The following NRXN3 variants were observed in gnomAD, a reference collection of about 807,000 sequenced individuals.
The protein encoded by NRXN3 is neurexin 3.
A neutral mutation model predicts 137.6 loss-of-function variants in NRXN3; 32 were observed. The observed-to-expected ratio is 0.23, with a 90% CI of 0.18 to 0.31. The LOEUF is 0.31. Among genes scored for constraint, NRXN3 ranks in the 10% least tolerant of loss-of-function variants. The pLI is 1.00. For missense variants in NRXN3, 1,574 were observed against 2,062.5 expected (o/e 0.76, Z 4.59); for synonymous variants, 798 against 784.5 (o/e 1.02, Z -0.29).
chr14:79,666,801 A>G (rs2098559120), intron 17 of NRXN3, among the ~76,000 whole-genome samples: 1 of 152,118 alleles, frequency 6.6e-6, no homozygotes, highest in Admixed American at 6.6e-5. Context: ...CCTCATTTAA[A>G]AGTTTTATTG....
intron 4 of NRXN3, among the ~76,000 whole-genome samples, chr14:78,472,005 A>C (rs2095284234): frequency 1.3e-5 from 2 of 152,230 alleles, no homozygotes; most frequent in Admixed American, 1.3e-4. Flanking sequence ...CCGAAAAAGA[A>C]AGTGGCTGTA....
At chr14:78,676,846 AG>A (rs1192703552) in intron 6 of NRXN3, among the ~76,000 whole-genome samples, 1 of 152,050 alleles carries the variant, frequency 6.6e-6, no homozygotes, top group African/African-American at 2.4e-5. Flanking sequence ...TGAAAATCCT[AG>A]GGCCCTAAGA....
intron 15 of NRXN3, among the ~76,000 whole-genome samples, chr14:79,112,145 A>T (rs1288844196): frequency 6.6e-6 from 1 of 152,180 alleles, no homozygotes; most frequent in Admixed American, 6.5e-5. Context: ...ATATCAACAC[A>T]TTCTTTCTTC....
At chr14:79,507,246 G>A (rs142113509) in intron 16 of NRXN3, among the ~76,000 whole-genome samples, 24 of 152,186 alleles carry the variant, frequency 1.6e-4, no homozygotes, top group Middle Eastern at 3.4e-3. Flanking sequence ...GAAATCGGCC[G>A]CTTTTCTTTT....
rs1179031946 is a variant in NRXN3 at position 79,697,831 on chromosome 14, C to A, written c.3908C>A (p.Thr1303Lys). The change falls in exon 19 of 21, where the codon ACA (threonine) becomes AAA (lysine). Residue 1303 changes from threonine (T) to lysine (K), a missense_variant. Around this residue, in one of 5 missense-constraint regions of NRXN3, gnomAD observed 320 missense variants for 387.1 expected, o/e 0.83. Coordinates refer to ENST00000335750, the MANE Select transcript of NRXN3 (RefSeq NM_001330195.2). ...VGEVPSILGT[T>K]QTTSMPPEMS... is the part of the protein sequence containing the mutation. The stretch of plus-strand genomic sequence containing the variant: ...GAAGTCCCATCAATTTTGGGAACAA[C>A]ACAGACGACCTCCATGCCACCAGAA... 1 of 1,613,242 alleles carries A rather than the reference C, an allele frequency of 6.2e-7. No homozygotes were observed. The highest frequency in any genetic ancestry group is 8.5e-7 in the Non-Finnish European group (1 of 1,179,456).
chr14:78,210,981 C>T (rs899340810), intron 1 of NRXN3, among the ~76,000 whole-genome samples: 1 of 152,150 alleles, frequency 6.6e-6, no homozygotes, highest in African/African-American at 2.4e-5. Context: ...TTTATTCTCC[C>T]AGTGCCTCCA....
chr14:79,709,585 T>C (rs1190303520), intron 19 of NRXN3, among the ~76,000 whole-genome samples: 4 of 152,160 alleles, frequency 2.6e-5, no homozygotes, highest in Non-Finnish European at 5.9e-5. Context: ...ACGGTAACAA[T>C]GGGGAGCCAG....
chr14:78,649,253 C>G, intron 5 of NRXN3: 7 of 1,341,730 alleles, frequency 5.2e-6, no homozygotes, highest in Non-Finnish European at 6.9e-6. Flanking sequence ...CCTTTCTTCC[C>G]CCTTCTCCGC....
At chr14:78,914,318 A>G (rs952719722) in intron 10 of NRXN3, among the ~76,000 whole-genome samples, 2 of 152,238 alleles carry the variant, frequency 1.3e-5, no homozygotes, top group Admixed American at 1.3e-4. Context: ...GAACAAAAGA[A>G]ACAAAAATAC....
chr14:79,024,094 C>T (rs533807456), intron 15 of NRXN3, among the ~76,000 whole-genome samples: 16 of 152,168 alleles, frequency 1.1e-4, no homozygotes, highest in South Asian at 2.1e-4. Flanking sequence ...ATCACTAGAA[C>T]GGTGTCTGGC....
At chr14:79,625,600 CTA>C (rs35579603) in intron 16 of NRXN3, among the ~76,000 whole-genome samples, 10,378 of 152,186 alleles carry the variant, frequency 0.068, 1,184 homozygotes, top group African/African-American at 0.24. Context: ...GAACTTCACT[CTA>C]TATTTTATTT....
intron 8 of NRXN3, among the ~76,000 whole-genome samples, chr14:78,782,070 C>T (rs138367847): frequency 1.1e-4 from 16 of 152,316 alleles, no homozygotes; most frequent in South Asian, 4.1e-4. Context: ...TCAGCTTGCC[C>T]GCTCTTCTGG....
At chr14:78,396,021 T>C (rs902310875) in intron 4 of NRXN3, among the ~76,000 whole-genome samples, 11 of 152,068 alleles carry the variant, frequency 7.2e-5, no homozygotes, top group African/African-American at 2.7e-4. Flanking sequence ...ACTATTTCAT[T>C]GTTTTCTATT....
chr14:79,099,400 A>AG (rs2050883269), intron 15 of NRXN3, among the ~76,000 whole-genome samples: 1 of 152,168 alleles, frequency 6.6e-6, no homozygotes, highest in African/African-American at 2.4e-5. Context: ...TATAACTTAA[A>AG]GCAAGACACT....
intron 1 of NRXN3, among the ~76,000 whole-genome samples, chr14:78,226,645 A>G (rs1276114208): frequency 6.6e-6 from 1 of 152,232 alleles, no homozygotes; most frequent in East Asian, 1.9e-4. Flanking sequence ...AGGACCATAA[A>G]CATTCCAGAA....
intron 15 of NRXN3, among the ~76,000 whole-genome samples, chr14:79,016,039 T>G (rs2938030): frequency 6.6e-6 from 1 of 152,036 alleles, no homozygotes; most frequent in Non-Finnish European, 1.5e-5. Context: ...CCAAAGCAAG[T>G]GTCTTTCCCT....
intron 10 of NRXN3, among the ~76,000 whole-genome samples, chr14:78,849,097 A>C (rs1233578187): frequency 1.3e-5 from 2 of 152,094 alleles, no homozygotes; most frequent in Non-Finnish European, 2.9e-5. Context: ...AGGACATCTT[A>C]GGTATTCATT....
intron 10 of NRXN3, among the ~76,000 whole-genome samples, chr14:78,925,290 A>T (rs1239998962): frequency 1.3e-5 from 2 of 152,216 alleles, no homozygotes; most frequent in Non-Finnish European, 2.9e-5. Flanking sequence ...TTCTAGTGAG[A>T]AACAATGTAT....
chr14:79,409,699 C>G (rs1444678042), intron 15 of NRXN3, among the ~76,000 whole-genome samples: 2 of 148,534 alleles, frequency 1.3e-5, no homozygotes, highest in African/African-American at 4.9e-5. Context: ...CATAAAGACC[C>G]ATATGACAAT....
Sources: gnomAD v4.1 joint callset for allele counts (sites outside exome capture counted in the v4.1 genomes callset) on GRCh38, gnomAD v4.1.1 for gene constraint, gnomAD v4.1.1 regional missense constraint, MANE v1.5 for transcripts, NCBI Gene and HGNC (gene_info 2026-07-23, HGNC 2026-07-21) for gene names.